Variants in ACTA2 observed in about 807,000 individuals in gnomAD.
The protein encoded by ACTA2 is actin alpha 2, smooth muscle, also known as actin, aortic smooth muscle.
Under a neutral mutation model 39.5 loss-of-function variants are expected in ACTA2, and 12 were observed. The ratio of observed to expected loss-of-function variants is 0.30; its 90% CI spans 0.19 to 0.49. The LOEUF (loss-of-function observed/expected upper bound fraction) is 0.49. Among genes scored for constraint, ACTA2 ranks in the 20% least tolerant of loss-of-function variants. ACTA2 has a pLI of 0.99. For missense variants in ACTA2, 236 were observed against 498.8 expected (o/e 0.47, Z 5.02); for synonymous variants, 158 against 180.6 (o/e 0.88, Z 1.00).
At chr10:88,941,166 G>T in intron 6 of ACTA2, 63 bp downstream of exon 6, 2 of 1,599,822 alleles carry the variant, frequency 1.3e-6, no homozygotes, top group South Asian at 1.1e-5. Flanking sequence ...TAGTGAGGAT[G>T]GTCCTGGAAG....
chr10:88,947,182 G>A (rs1315732462), intron 3 of ACTA2, 76 bp downstream of exon 3: 1 of 1,582,786 alleles, frequency 6.3e-7, no homozygotes, highest in Non-Finnish European at 8.7e-7. Context: ...TTCCCCAGCA[G>A]TAGTGTGGTG....
intron 1 of ACTA2, chr10:88,974,984 G>A (rs1846530292): frequency 6.6e-6 from 1 of 152,088 alleles, no homozygotes. Context: ...TTTAAAGTGA[G>A]GAAAATAATA....
intron 1 of ACTA2, among the ~76,000 whole-genome samples, chr10:88,976,340 T>C (rs912266831): frequency 1.2e-4 from 19 of 152,324 alleles, no homozygotes; most frequent in Admixed American, 9.1e-4. Context: ...ATAGATAACA[T>C]ATAATTAATA....
chr10:88,980,270 G>A (rs1180985394), intron 1 of ACTA2, among the ~76,000 whole-genome samples: 1 of 152,134 alleles, frequency 6.6e-6, no homozygotes, highest in Admixed American at 6.5e-5. Context: ...TAGATTTGAA[G>A]AGCATCTGGG....
chr10:88,979,545 G>C (rs1473613473), intron 1 of ACTA2, among the ~76,000 whole-genome samples: 5 of 152,130 alleles, frequency 3.3e-5, no homozygotes, highest in African/African-American at 1.2e-4. Flanking sequence ...TGGGGAAAGA[G>C]AATGTGAGAG....
rs1368141635 is a variant in ACTA2 at position 88,939,388 on chromosome 10, G to C, written c.808+119C>G. The C allele has an allele frequency of 3.0e-6, 4 of 1,339,958 alleles. No homozygotes were observed. The African/African-American group carries it at 5.8e-5, about 19-fold the overall frequency. 83.0% of individuals were successfully genotyped at this position (1,339,958 alleles called of 1,614,324 possible). ...AAAATGTGGCACTTTCCCTTTTTCT[G>C]GTTTAGAAATGCTTTTGGTCTTGGG... On this transcript the variant is annotated intron_variant, in intron 7 of 8. Coordinates refer to ENST00000224784, the MANE Select transcript of ACTA2 (RefSeq NM_001613.4).
chr10:88,938,929 G>T (rs1006734001), intron 7 of ACTA2, among the ~76,000 whole-genome samples: 3 of 152,152 alleles, frequency 2.0e-5, no homozygotes, highest in Non-Finnish European at 4.4e-5. Flanking sequence ...TGGGCTAAGT[G>T]CTCTTTATCT....
chr10:88,976,893 T>C (rs1323926821), intron 1 of ACTA2, among the ~76,000 whole-genome samples: 1 of 152,222 alleles, frequency 6.6e-6, no homozygotes, highest in East Asian at 1.9e-4. Flanking sequence ...AAACCAATGC[T>C]GATGTTTGTA....
chr10:88,944,597 AT>A, intron 3 of ACTA2, among the ~76,000 whole-genome samples: 1 of 152,174 alleles, frequency 6.6e-6, no homozygotes, highest in Non-Finnish European at 1.5e-5. Context: ...TCTTGCCTCC[AT>A]CACCCTCTTT....
At chr10:88,982,935 A>G (rs905133984) in intron 1 of ACTA2, among the ~76,000 whole-genome samples, 4 of 152,326 alleles carry the variant, frequency 2.6e-5, no homozygotes, top group African/African-American at 9.6e-5. Context: ...CGAACTGATG[A>G]GTGGTTTCCC....
chr10:88,936,721 G>A (rs1589390063), intron 8 of ACTA2, among the ~76,000 whole-genome samples: 1 of 152,148 alleles, frequency 6.6e-6, no homozygotes, highest in South Asian at 2.1e-4. Flanking sequence ...CTGTGAGCCA[G>A]TTAAACCTCT....
intron 1 of ACTA2, chr10:88,973,280 C>G (rs1053120183): frequency 1.2e-6 from 2 of 1,612,054 alleles, no homozygotes; most frequent in African/African-American, 2.7e-5. Context: ...TCTTGGGGAT[C>G]TCTAGGTCAT....
chr10:88,959,635 A>G (rs900710204), intron 1 of ACTA2, among the ~76,000 whole-genome samples: 4 of 152,220 alleles, frequency 2.6e-5, no homozygotes, highest in Middle Eastern at 3.2e-3. Flanking sequence ...AACATCTCAC[A>G]TTACTGTGGT....
chr10:88,948,685 ATT>A (rs2133273322), intron 2 of ACTA2, 115 bp downstream of exon 2: 2 of 1,419,604 alleles, frequency 1.4e-6, no homozygotes, highest in Non-Finnish European at 2.0e-6. Context: ...TTAGAGGTCT[ATT>A]TGTAACAAGG....
intron 4 of ACTA2, among the ~76,000 whole-genome samples, chr10:88,942,773 C>G (rs554345800): frequency 6.6e-6 from 1 of 151,558 alleles, no homozygotes; most frequent in Non-Finnish European, 1.5e-5. Flanking sequence ...ACACCACTGA[C>G]AGGAACAATA....
chr10:88,963,068 G>A (rs1435631842), intron 1 of ACTA2, among the ~76,000 whole-genome samples: 1 of 149,630 alleles, frequency 6.7e-6, no homozygotes, highest in Non-Finnish European at 1.5e-5. Flanking sequence ...TCACTGTCAC[G>A]AGAACAGCAC....
rs1252359045 is a variant in ACTA2, at chr10:88,939,558, C to T, written c.757G>A (p.Gly253Arg). 1.9e-6 allele frequency: 3 copies of T among 1,614,024 alleles called. No individual in the cohort carries two copies. The highest frequency in any genetic ancestry group is 2.5e-6 in the Non-Finnish European group (3 of 1,179,988). ...TCTGGGCAGCGGAAACGTTCATTTC[C>T]GATGGTGATCACTTGCCCATCAGGC... Reference protein sequence around the residue: ...ELPDGQVITIGNERFRCPETL... With the variant: ...ELPDGQVITIRNERFRCPETL... The change falls in exon 7 of 9, where the codon GGA (glycine) becomes AGA (arginine). Residue 253 changes from glycine (G) to arginine (R), a missense_variant. Coordinates refer to ENST00000224784, the MANE Select transcript of ACTA2 (RefSeq NM_001613.4).
chr10:88,955,834 C>A (rs1167459070), upstream of ACTA2, among the ~76,000 whole-genome samples: 1 of 152,182 alleles, frequency 6.6e-6, no homozygotes, highest in Non-Finnish European at 1.5e-5. Flanking sequence ...TGGATCAATA[C>A]ACGGGGGTTA....
chr10:88,941,156 T>C, intron 6 of ACTA2, 73 bp downstream of exon 6: 1 of 1,582,162 alleles, frequency 6.3e-7, no homozygotes, highest in Admixed American at 1.7e-5. Context: ...TCTCCTTGGA[T>C]AGTGAGGATG....
Sources: allele counts gnomAD v4.1 joint callset (sites outside exome capture counted in the v4.1 genomes callset), GRCh38; gene constraint gnomAD v4.1.1; transcripts MANE v1.5; gene names NCBI Gene and HGNC (gene_info 2026-07-23, HGNC 2026-07-21).